PARM1: variants seen among roughly 807,000 people sequenced by gnomAD.
PARM1 encodes prostate androgen-regulated mucin-like protein 1, also known as WSC4, cell wall integrity and stress response component 4 homolog.
Under a neutral mutation model 24.6 loss-of-function variants are expected in PARM1, and 14 were observed. The ratio of observed to expected loss-of-function variants is 0.57; its 90% confidence interval spans 0.38 to 0.89. The LOEUF is 0.89. Ranked by LOEUF, PARM1 falls within the 40% of genes least tolerant of loss-of-function variation. The probability of loss-of-function intolerance (pLI) is 0.00; values close to 1 mark genes in which losing one functional copy is unlikely to be tolerated. For synonymous variants in PARM1, 179 were observed against 156.6 expected (o/e 1.14, Z -1.07); for missense variants, 362 against 380.4 (o/e 0.95, Z 0.40).
chr4:74,951,665 T>A (rs1357456819), intron 1 of PARM1, among the ~76,000 whole-genome samples: 2 of 151,934 alleles, frequency 1.3e-5, no homozygotes, highest in Non-Finnish European at 2.9e-5. Flanking sequence ...CAACTCCCAC[T>A]TACGAGTGAG....
intron 1 of PARM1, among the ~76,000 whole-genome samples, chr4:74,964,188 A>C (rs1232149434): frequency 6.6e-6 from 1 of 152,222 alleles, no homozygotes; most frequent in Non-Finnish European, 1.5e-5. Flanking sequence ...TTATATTCAC[A>C]GTTCAAATAA....
chr4:74,992,337 A>T (rs1382524090), intron 1 of PARM1, among the ~76,000 whole-genome samples: 1 of 152,206 alleles, frequency 6.6e-6, no homozygotes, highest in Non-Finnish European at 1.5e-5. Flanking sequence ...AAAAATAAAC[A>T]AAATAACAGA....
At chr4:75,008,387 G>T (rs905480447) in intron 1 of PARM1, among the ~76,000 whole-genome samples, 1 of 152,150 alleles carries the variant, frequency 6.6e-6, no homozygotes, top group Non-Finnish European at 1.5e-5. Context: ...ACAAGAAAAT[G>T]GATATTTCCA....
chr4:75,010,548 T>G (rs986136393), intron 1 of PARM1, among the ~76,000 whole-genome samples: 44 of 152,212 alleles, frequency 2.9e-4, no homozygotes, highest in African/African-American at 1.0e-3. Context: ...AAAAAATTTT[T>G]TTAAATAGAC....
chr4:75,018,153 A>G (rs566225901), intron 2 of PARM1, among the ~76,000 whole-genome samples: 2 of 152,344 alleles, frequency 1.3e-5, no homozygotes, highest in African/African-American at 4.8e-5. Context: ...AGCCATGAGT[A>G]ATACAGTCAC....
intron 1 of PARM1, among the ~76,000 whole-genome samples, chr4:74,936,316 T>C (rs2109978137): frequency 6.6e-6 from 1 of 152,272 alleles, no homozygotes; most frequent in South Asian, 2.1e-4. Flanking sequence ...CCAACCTTTA[T>C]CCCCAAAACC....
intron 3 of PARM1, among the ~76,000 whole-genome samples, chr4:75,039,818 G>T (rs1723445562): frequency 2.0e-5 from 3 of 152,264 alleles, no homozygotes; most frequent in South Asian, 4.2e-4. Flanking sequence ...CCCTGTTTCA[G>T]ATATATTGCC....
chr4:74,993,955 C>T (rs1451902622), intron 1 of PARM1: 1 of 151,958 alleles, frequency 6.6e-6, no homozygotes, highest in Non-Finnish European at 1.5e-5. Flanking sequence ...AAGGAACAGA[C>T]AATAGAAGTT....
intron 2 of PARM1, among the ~76,000 whole-genome samples, chr4:75,024,975 G>A (rs567769068): frequency 2.0e-5 from 3 of 152,206 alleles, no homozygotes; most frequent in Non-Finnish European, 4.4e-5. Flanking sequence ...GATTACAGGC[G>A]TAAGCCACTG....
chr4:74,977,022 GA>G (rs1204729117), intron 1 of PARM1, among the ~76,000 whole-genome samples: 1 of 152,128 alleles, frequency 6.6e-6, no homozygotes, highest in Non-Finnish European at 1.5e-5. Context: ...CAAGAATACC[GA>G]AAACTCAAAA....
At chr4:74,974,175 G>A (rs544530956) in intron 1 of PARM1, among the ~76,000 whole-genome samples, 10 of 152,298 alleles carry the variant, frequency 6.6e-5, no homozygotes, top group Admixed American at 3.3e-4. Flanking sequence ...GGCTCGCCAC[G>A]GATTGGATGA....
At chr4:74,986,179 A>T (rs527588002) in intron 1 of PARM1, among the ~76,000 whole-genome samples, 1 of 152,334 alleles carries the variant, frequency 6.6e-6, no homozygotes, top group East Asian at 1.9e-4. Flanking sequence ...ATATATGTTC[A>T]GATACTAGTA....
intron 1 of PARM1, among the ~76,000 whole-genome samples, chr4:74,980,528 C>T (rs1722228408): frequency 6.6e-6 from 1 of 152,122 alleles, no homozygotes. Flanking sequence ...ATGAAAATGA[C>T]CATACTGCCC....
At chr4:74,986,297 C>G (rs1242111011) in intron 1 of PARM1, among the ~76,000 whole-genome samples, 1 of 152,164 alleles carries the variant, frequency 6.6e-6, no homozygotes, top group Non-Finnish European at 1.5e-5. Flanking sequence ...GCAAAACACA[C>G]ATTTAATTAT....
At position 75,048,808 on chromosome 4, in the gene PARM1, A is replaced by G. The variant is rs1287845663; in HGVS notation, c.*2561A>G. On this transcript the variant is annotated 3_prime_UTR_variant, in exon 4 of 4. Coordinates refer to ENST00000307428, the MANE Select transcript of PARM1 (RefSeq NM_015393.4). ...ATATTCAGCAAGGTGACAGCTTCCCATAACAATTCTAACACTTCTTATCTT... is the reference window on the plus strand; with the variant it reads ...ATATTCAGCAAGGTGACAGCTTCCCGTAACAATTCTAACACTTCTTATCTT... The G allele has an allele frequency of 6.6e-6, 1 of 152,662 alleles. No homozygotes were observed. The highest frequency in any genetic ancestry group is 1.5e-5 in the Non-Finnish European group (1 of 68,032). 9.5% of individuals were successfully genotyped at this position (152,662 alleles called of 1,614,324 possible).
intron 1 of PARM1, among the ~76,000 whole-genome samples, chr4:74,965,970 T>C (rs1238461062): frequency 6.6e-6 from 1 of 152,240 alleles, no homozygotes; most frequent in African/African-American, 2.4e-5. Context: ...TTTTAGTTAA[T>C]AGCCATCTAC....
chr4:74,991,141 T>C (rs1722459337), intron 1 of PARM1, among the ~76,000 whole-genome samples: 1 of 152,072 alleles, frequency 6.6e-6, no homozygotes, highest in Non-Finnish European at 1.5e-5. Context: ...ATAAAGGATA[T>C]ATAAAAAGTT....
rs1323456653 is a variant in PARM1, at chr4:74,960,775, G to A, written c.43+27405G>A. Among the ~76,000 whole-genome samples, 8 of 151,908 alleles carry A rather than the reference G, an allele frequency of 5.3e-5. No individual in the cohort carries two copies. In the East Asian group the frequency reaches 5.8e-4, roughly 11 times the overall value. On this transcript the variant is annotated intron_variant, in intron 1 of 3. Transcript: ENST00000307428. ...CAAAGACACAGCACTTTGGGAGGCC[G>A]AGGCGGGTGGATCACAAGGTCAGGA... is the stretch of plus-strand genomic sequence containing the variant.
chr4:74,965,299 G>A (rs879668041), intron 1 of PARM1: 1 of 152,170 alleles, frequency 6.6e-6, no homozygotes, highest in Non-Finnish European at 1.5e-5. Flanking sequence ...TCTTCAGAAG[G>A]TCTTTTGCTG....
Sources: allele counts gnomAD v4.1 joint callset (sites outside exome capture counted in the v4.1 genomes callset), GRCh38; gene constraint gnomAD v4.1.1; transcripts MANE v1.5; gene names NCBI Gene and HGNC (gene_info 2026-07-23, HGNC 2026-07-21).